The following CTBP2 variants were observed in gnomAD, a reference collection of about 807,000 sequenced individuals.
CTBP2 encodes the protein C-terminal-binding protein 2.
A neutral mutation model predicts 80.3 loss-of-function variants in CTBP2; 30 were observed. That is an observed-to-expected ratio of 0.37 (90% CI 0.28 to 0.51). The LOEUF is 0.51. CTBP2 is among the 20% of genes least tolerant of loss of function. The probability of loss-of-function intolerance (pLI) is 0.93; values close to 1 mark genes in which losing one functional copy is unlikely to be tolerated. For missense variants in CTBP2, 1,212 were observed against 1,375.3 expected (o/e 0.88, Z 1.88); for synonymous variants, 594 against 587.4 (o/e 1.01, Z -0.16).
At chr10:125,016,249 C>A (rs1366611604) in intron 1 of CTBP2, among the ~76,000 whole-genome samples, 3 of 150,096 alleles carry the variant, frequency 2.0e-5, no homozygotes, top group Non-Finnish European at 1.5e-5. Flanking sequence ...CCTGGATGTT[C>A]CATGAACCTG....
At chr10:125,125,729 C>T (rs1855128989) in intron 1 of CTBP2, among the ~76,000 whole-genome samples, 1 of 152,180 alleles carries the variant, frequency 6.6e-6, no homozygotes, top group Non-Finnish European at 1.5e-5. Flanking sequence ...CGAATGTTTC[C>T]TAACTGCTGT....
intron 1 of CTBP2, chr10:125,005,662 T>G: frequency 6.2e-7 from 1 of 1,612,928 alleles, no homozygotes; most frequent in South Asian, 1.1e-5. Flanking sequence ...CCGACACACA[T>G]GGCTCCCACC....
At chr10:125,115,836 G>A (rs986707473) in intron 1 of CTBP2, among the ~76,000 whole-genome samples, 24 of 152,094 alleles carry the variant, frequency 1.6e-4, no homozygotes, top group Non-Finnish European at 2.9e-4. Flanking sequence ...AGAAAAGAGG[G>A]ATTGCGTAAA....
chr10:125,104,982 T>C (rs2135858686), intron 2 of CTBP2, among the ~76,000 whole-genome samples: 1 of 152,274 alleles, frequency 6.6e-6, no homozygotes, highest in Admixed American at 6.5e-5. Context: ...CTCAGCCATT[T>C]CCTAAATCGT....
At chr10:125,154,619 A>C (rs990855062) in intron 1 of CTBP2, among the ~76,000 whole-genome samples, 3 of 150,304 alleles carry the variant, frequency 2.0e-5, no homozygotes, top group Non-Finnish European at 4.4e-5. Flanking sequence ...ATACACATGC[A>C]AACTACAACT....
At chr10:125,145,504 C>A (rs924619559) in intron 1 of CTBP2, among the ~76,000 whole-genome samples, 1 of 152,176 alleles carries the variant, frequency 6.6e-6, no homozygotes, top group Non-Finnish European at 1.5e-5. Context: ...CAGGGTAGGG[C>A]AGGGCACGGC....
intron 1 of CTBP2, among the ~76,000 whole-genome samples, chr10:125,147,836 G>A (rs866090739): frequency 2.0e-5 from 3 of 151,982 alleles, no homozygotes; most frequent in Admixed American, 6.6e-5. Flanking sequence ...GGTCGAGGCC[G>A]CAGTCAGCCG....
At chr10:125,061,314 A>G (rs1964921195) in intron 2 of CTBP2, among the ~76,000 whole-genome samples, 1 of 151,952 alleles carries the variant, frequency 6.6e-6, no homozygotes, top group Non-Finnish European at 1.5e-5. Flanking sequence ...GGCACCAGAC[A>G]CTCTGGTTCA....
chr10:125,072,828 T>C (rs116026927), intron 2 of CTBP2, among the ~76,000 whole-genome samples: 2,210 of 152,030 alleles, frequency 0.015, 58 homozygotes, highest in African/African-American at 0.051. Flanking sequence ...CAGGCTCAAA[T>C]CAAGTAAAAG....
chr10:125,092,381 G>C (rs1848906367), intron 2 of CTBP2, among the ~76,000 whole-genome samples: 1 of 151,774 alleles, frequency 6.6e-6, no homozygotes, highest in Non-Finnish European at 1.5e-5. Context: ...AGTAGAGATG[G>C]GTTTCACCAC....
rs182802815 is a variant in CTBP2 at position 125,084,656 on chromosome 10, A to C, written c.-102+26334T>G. ...GTTTCCAGACCAGTGAAGCACTCAG[A>C]AGCACAGCCCTTCTCCTTGCCCGTT... On this transcript the variant is annotated intron_variant, in intron 2 of 10. Coordinates refer to the CTBP2 transcript ENST00000337195. 4.6e-3 allele frequency among the ~76,000 whole-genome samples: 706 copies of C among 152,246 alleles called. 26 individuals are homozygous for C. Among genetic ancestry groups the C allele is most frequent in the Admixed American group, 0.043 (659 of 15,300 alleles).
chr10:124,997,952 G>A lies in CTBP2; in HGVS notation c.2185+12C>T. 1 of 1,609,244 alleles carries A rather than the reference G, an allele frequency of 6.2e-7. No homozygotes were observed. The highest frequency in any genetic ancestry group is 8.5e-7 in the Non-Finnish European group (1 of 1,178,638). The stretch of plus-strand genomic sequence containing the variant: ...GGAGGGGTTGGGGGTCAGCGCAGAG[G>A]GTGGCACGTACCAAAGCCAATGAGG... On this transcript the variant is annotated intron_variant, in intron 4 of 8. Transcript: ENST00000309035.
intron 1 of CTBP2, among the ~76,000 whole-genome samples, chr10:125,010,109 C>G (rs1234861746): frequency 2.0e-5 from 3 of 150,832 alleles, no homozygotes; most frequent in South Asian, 4.2e-4. Flanking sequence ...CTGCCTTTCA[C>G]GAGAAGGACC....
At chr10:125,098,233 A>C (rs1849853576) in intron 2 of CTBP2, among the ~76,000 whole-genome samples, 1 of 152,080 alleles carries the variant, frequency 6.6e-6, no homozygotes, top group Non-Finnish European at 1.5e-5. Flanking sequence ...AAGCACTGAG[A>C]CGGTCCCAGC....
At position 125,063,868 on chromosome 10, in the gene CTBP2, C is replaced by T. The variant is rs182042308; in HGVS notation, c.-101-24713G>A. Among the ~76,000 whole-genome samples the T allele has an allele frequency of 3.0e-3, 461 of 152,314 alleles. 4 individuals carry two copies. Among genetic ancestry groups the T allele is most frequent in the Non-Finnish European group, 5.3e-3 (360 of 68,022 alleles). On this transcript the variant is annotated intron_variant, in intron 2 of 10. Coordinates refer to the CTBP2 transcript ENST00000337195. ...GGTGTCTGGGCAAGAAGGGTGGACA[C>T]CCCGTGTAGGGACCCCTGCAGCAAC...
At chr10:125,141,442 G>C (rs1416899033) in intron 1 of CTBP2, among the ~76,000 whole-genome samples, 4 of 152,254 alleles carry the variant, frequency 2.6e-5, no homozygotes, top group East Asian at 1.9e-4. Context: ...CACCTCAGAA[G>C]CTCTCATTCC....
intron 1 of CTBP2, among the ~76,000 whole-genome samples, chr10:125,015,157 C>T (rs1001443413): frequency 6.6e-6 from 1 of 152,146 alleles, no homozygotes; most frequent in African/African-American, 2.4e-5. Flanking sequence ...TGGTCAGTCC[C>T]GCTGTGATTG....
chr10:125,116,990 G>C (rs774035206), intron 1 of CTBP2, among the ~76,000 whole-genome samples: 1 of 152,232 alleles, frequency 6.6e-6, no homozygotes, highest in Non-Finnish European at 1.5e-5. Context: ...TGAAGGACCA[G>C]GGACAGGCAC....
At chr10:125,130,882 G>A (rs530073513) in intron 1 of CTBP2, among the ~76,000 whole-genome samples, 2 of 152,178 alleles carry the variant, frequency 1.3e-5, no homozygotes, top group East Asian at 1.9e-4. Flanking sequence ...CCCAGAGAGG[G>A]CAAAGGGCTC....
Sources: gnomAD v4.1 joint callset for allele counts (sites outside exome capture counted in the v4.1 genomes callset) on GRCh38, gnomAD v4.1.1 for gene constraint, MANE v1.5 for transcripts, NCBI Gene and HGNC (gene_info 2026-07-23, HGNC 2026-07-21) for gene names.